Variants in CDHR3 observed in about 807,000 individuals in gnomAD.
CDHR3 encodes the protein cadherin-related family member 3.
Under a neutral mutation model 86.6 loss-of-function variants are expected in CDHR3, and 79 were observed. That is an observed-to-expected ratio of 0.91 (90% CI 0.76 to 1.10). The LOEUF (loss-of-function observed/expected upper bound fraction) is 1.10. Ranked by LOEUF, CDHR3 falls within the 50% of genes least tolerant of loss-of-function variation. The pLI is 0.00. For missense variants in CDHR3, 1,081 were observed against 1,077.6 expected (o/e 1.00, Z -0.04); for synonymous variants, 421 against 402.4 (o/e 1.05, Z -0.55).
At chr7:106,014,990 G>A in intron 9 of CDHR3, 121 bp from the exon 10 acceptor site, 2 of 693,950 alleles carry the variant, frequency 2.9e-6, no homozygotes, top group Non-Finnish European at 4.8e-6. Context: ...TATGGGCAAA[G>A]TGTTTGCCAA....
At chr7:105,991,055 G>C (rs1417521660) in intron 4 of CDHR3, among the ~76,000 whole-genome samples, 1 of 152,234 alleles carries the variant, frequency 6.6e-6, no homozygotes, top group Non-Finnish European at 1.5e-5. Context: ...CAGAGAGCTT[G>C]TCTGACAAGC....
rs1306873958 is a variant in CDHR3 at position 106,016,011 on chromosome 7, C to T, written c.1412C>T (p.Ser471Leu). ...FDRPSYVFDV[S>L]ERRPARTRVG... ...AGGCCATCCTATGTATTTGATGTGT[C>T]AGAAAGAAGGCCCGGTAAGTAACAG... Residue 471 changes from serine to leucine, a missense_variant, in exon 11 of 19, where the codon TCA becomes TTA. By Grantham distance (145) the Ser-to-Leu change is moderately radical. Coordinates refer to ENST00000317716, the MANE Select transcript of CDHR3 (RefSeq NM_152750.5). The T allele has an allele frequency of 6.2e-7, 1 of 1,609,514 alleles. No individual in the cohort carries two copies. Among genetic ancestry groups the T allele is most frequent in the South Asian group, 1.1e-5 (1 of 90,304 alleles).
intron 8 of CDHR3, among the ~76,000 whole-genome samples, chr7:106,011,318 C>G (rs557420212): frequency 6.6e-6 from 1 of 152,280 alleles, no homozygotes; most frequent in African/African-American, 2.4e-5. Context: ...CTGGAGCATT[C>G]ACAAACATGG....
chr7:105,997,860 A>G (rs1451013492), intron 6 of CDHR3, among the ~76,000 whole-genome samples: 1 of 151,730 alleles, frequency 6.6e-6, no homozygotes, highest in Non-Finnish European at 1.5e-5. Context: ...TCAGCCTGGA[A>G]CTCTCTGGTT....
intron 4 of CDHR3, 108 bp from the exon 5 acceptor site, chr7:105,994,643 G>T: frequency 1.3e-6 from 1 of 784,356 alleles, no homozygotes; most frequent in South Asian, 1.5e-5. Flanking sequence ...GATGCATCGA[G>T]AACGTTCCAT....
intron 1 of CDHR3, among the ~76,000 whole-genome samples, chr7:105,972,444 A>G (rs1327904654): frequency 2.0e-5 from 3 of 152,176 alleles, no homozygotes; most frequent in African/African-American, 7.2e-5. Context: ...AATATGGGTG[A>G]GAATGTGGGC....
intron 12 of CDHR3, among the ~76,000 whole-genome samples, chr7:106,019,653 TGAAAG>T (rs1454013096): frequency 6.6e-6 from 1 of 152,156 alleles, no homozygotes; most frequent in African/African-American, 2.4e-5. Context: ...AAGACAGCGA[TGAAAG>T]AGAATAGGCT....
intron 12 of CDHR3, among the ~76,000 whole-genome samples, chr7:106,018,283 A>T (rs1835972795): frequency 6.6e-6 from 1 of 152,072 alleles, no homozygotes; most frequent in African/African-American, 2.4e-5. Context: ...GTTGCCCAGG[A>T]TGGAGTACAG....
chr7:106,036,239 G>T lies in CDHR3; in HGVS notation c.*3542G>T, dbSNP rs1007769954. On this transcript the variant is annotated 3_prime_UTR_variant, in exon 19 of 19. Coordinates refer to ENST00000317716, the MANE Select transcript of CDHR3 (RefSeq NM_152750.5). The stretch of plus-strand genomic sequence containing the variant: ...GGAAATGACACTTCTGCTCCCCAGA[G>T]CCCCCTTTCACATCTGGGGTTCTCA... The T allele has an allele frequency of 1.3e-5, 2 of 152,128 alleles. No individual in the cohort carries two copies. The highest frequency in any genetic ancestry group is 4.8e-5 in the African/African-American group (2 of 41,438). 9.4% of individuals were successfully genotyped at this position (152,128 alleles called of 1,614,324 possible). A position where few individuals can be genotyped will look rare whatever the true frequency, so the allele number is the denominator to read the frequency against.
intron 4 of CDHR3, among the ~76,000 whole-genome samples, chr7:105,993,163 A>G (rs1439891526): frequency 6.6e-6 from 1 of 152,236 alleles, no homozygotes; most frequent in African/African-American, 2.4e-5. Flanking sequence ...AGGATAGAAC[A>G]TCCCTCATCC....
chr7:105,994,142 C>T lies in CDHR3; in HGVS notation c.514-609C>T, dbSNP rs376203657. 8.5e-5 allele frequency among the ~76,000 whole-genome samples: 13 copies of T among 152,292 alleles called. No homozygotes were observed. The South Asian group carries it at 1.2e-3, about 15-fold the overall frequency. On this transcript the variant is annotated intron_variant, in intron 4 of 18. Coordinates refer to ENST00000317716, the MANE Select transcript of CDHR3 (RefSeq NM_152750.5). ...CAATAACTGATGCTCATGCATTTTG[C>T]GCCCTGCTATATTGTAAGTTGTTTT...
In CDHR3 at chr7:106,034,398, T is replaced by C. The variant is rs1015137411; in HGVS notation, c.*1701T>C. Among the ~76,000 whole-genome samples, 1 of 124,700 alleles carries C rather than the reference T, an allele frequency of 8.0e-6. No individual in the cohort carries two copies. The highest frequency in any genetic ancestry group is 1.8e-5 in the Non-Finnish European group (1 of 54,080). 81.8% of individuals were successfully genotyped at this position (124,700 alleles called of 152,430 possible). On this transcript the variant is annotated 3_prime_UTR_variant, in exon 19 of 19. Coordinates refer to ENST00000317716, the MANE Select transcript of CDHR3 (RefSeq NM_152750.5). ...AGAGCCTACCAGGTCCACAAGGTCC[T>C]GTGGGAGACAGACTGGATCCAGCAA...
intron 1 of CDHR3, among the ~76,000 whole-genome samples, chr7:105,965,654 T>G (rs1826811248): frequency 7.0e-6 from 1 of 143,504 alleles, no homozygotes; most frequent in African/African-American, 2.5e-5. Flanking sequence ...TGCCTGCACA[T>G]GGACTGCCTG....
intron 5 of CDHR3, 34 bp from the exon 6 acceptor site, chr7:105,996,216 C>A: frequency 1.6e-6 from 2 of 1,221,176 alleles, no homozygotes; most frequent in Non-Finnish European, 2.4e-6. Flanking sequence ...GCCAGCAAAG[C>A]TTGATTCTCT....
intron 8 of CDHR3, among the ~76,000 whole-genome samples, chr7:106,006,641 C>T (rs570696587): frequency 9.8e-5 from 15 of 152,350 alleles, no homozygotes; most frequent in Middle Eastern, 3.4e-3. Flanking sequence ...ATCCAGGTCA[C>T]GCTCATGCAA....
At chr7:105,995,182 A>T (rs1410547266) in intron 5 of CDHR3, among the ~76,000 whole-genome samples, 2 of 152,190 alleles carry the variant, frequency 1.3e-5, no homozygotes, top group South Asian at 4.1e-4. Flanking sequence ...TGCTACTTCA[A>T]TCCTAAAAGC....
Position 105,974,943 on chromosome 7 carries a change from CA to C in CDHR3, c.147del (p.Ala50HisfsTer6). The C allele has an allele frequency of 6.2e-7, 1 of 1,613,722 alleles. No homozygotes were observed. The highest frequency in any genetic ancestry group is 8.5e-7 in the Non-Finnish European group (1 of 1,179,626). On this transcript the variant is annotated frameshift_variant, in exon 2 of 19. Transcript: ENST00000317716. LOFTEE classifies it high-confidence loss of function. ...GTGCACAAGTTTTCTGTGAAGTTAT[CA>C]GCATCATTGTCACCTGTGATCCCAG... ...TSVHKFSVKL[S>X]ASLSPVIPGF...
chr7:105,967,667 T>C (rs1269519627), intron 1 of CDHR3, among the ~76,000 whole-genome samples: 1 of 152,246 alleles, frequency 6.6e-6, no homozygotes, highest in Non-Finnish European at 1.5e-5. Context: ...TAAGATGGTA[T>C]CTCATTGTGG....
chr7:105,970,040 A>G (rs550544592), intron 1 of CDHR3, among the ~76,000 whole-genome samples: 4 of 152,146 alleles, frequency 2.6e-5, no homozygotes, highest in Non-Finnish European at 5.9e-5. Context: ...TTCTTTTCAC[A>G]GAACTGATTT....
Sources: gnomAD v4.1 joint callset for allele counts (sites outside exome capture counted in the v4.1 genomes callset) on GRCh38, gnomAD v4.1.1 for gene constraint, MANE v1.5 for transcripts, NCBI Gene and HGNC (gene_info 2026-07-23, HGNC 2026-07-21) for gene names.